The following DPP6 variants were observed in gnomAD, a reference collection of about 807,000 sequenced individuals.
DPP6 encodes dipeptidyl peptidase like 6, also known as A-type potassium channel modulatory protein DPP6.
In DPP6, 69 loss-of-function variants were observed where a neutral mutation model predicts 122.6. The observed-to-expected ratio is 0.56, with a 90% CI of 0.46 to 0.69. The LOEUF is 0.69. Ranked by LOEUF, DPP6 falls within the 30% of genes least tolerant of loss-of-function variation. The probability of loss-of-function intolerance (pLI) is 0.00; values close to 1 mark genes in which losing one functional copy is unlikely to be tolerated. For missense variants in DPP6, 928 were observed against 1,116.9 expected (o/e 0.83, Z 2.41); for synonymous variants, 418 against 433.1 (o/e 0.97, Z 0.43).
intron 1 of DPP6, among the ~76,000 whole-genome samples, chr7:154,165,527 T>A (rs1440839926): frequency 6.6e-6 from 1 of 151,364 alleles, no homozygotes; most frequent in Non-Finnish European, 1.5e-5. Flanking sequence ...TACCTAGTAA[T>A]GGGATGGCTG....
At chr7:154,654,399 C>T (rs1320396670) in intron 6 of DPP6, among the ~76,000 whole-genome samples, 1 of 31,734 alleles carries the variant, frequency 3.2e-5, no homozygotes, top group African/African-American at 5.3e-5. Context: ...ACATCTATAT[C>T]CAAATCTTTC....
intron 1 of DPP6, among the ~76,000 whole-genome samples, chr7:154,059,826 C>G (rs565804168): frequency 4.0e-5 from 6 of 151,506 alleles, no homozygotes; most frequent in Non-Finnish European, 7.4e-5. Context: ...GCCTACGTCT[C>G]TAAACAACTA....
At chr7:154,553,492 T>G (rs1037535435) in intron 4 of DPP6, among the ~76,000 whole-genome samples, 72 of 152,286 alleles carry the variant, frequency 4.7e-4, no homozygotes, top group African/African-American at 1.5e-3. Flanking sequence ...GACTAAAGAA[T>G]CCTAAACACT....
chr7:154,488,045 G>C (rs1417669954), intron 3 of DPP6, among the ~76,000 whole-genome samples: 1 of 150,408 alleles, frequency 6.6e-6, no homozygotes. Context: ...GTGGGATAAA[G>C]TCTCAATAAA....
chr7:154,624,220 T>C lies in DPP6; in HGVS notation c.628-13601T>C, dbSNP rs200449584. ...GCGGGTGCCTATAAATCCAGCTACTTGGGAGGCTGAGGCAGAGAATTGCTT... is the reference window on the plus strand; with the variant it reads ...GCGGGTGCCTATAAATCCAGCTACTCGGGAGGCTGAGGCAGAGAATTGCTT... On this transcript the variant is annotated intron_variant, in intron 5 of 25. Transcript: ENST00000377770. The surrounding 1 kb of genome is among the most constrained non-coding windows in gnomAD (Gnocchi z 4.7). 6.6e-6 allele frequency among the ~76,000 whole-genome samples: 1 copy of C among 151,520 alleles called. No homozygotes were observed.
intron 16 of DPP6, among the ~76,000 whole-genome samples, chr7:154,839,483 G>A (rs977338693): frequency 1.3e-5 from 2 of 152,236 alleles, no homozygotes; most frequent in African/African-American, 4.8e-5. Context: ...TTATTCCTCT[G>A]TGAAATGGGG....
rs1429984165 is a variant in DPP6 at position 154,313,733 on chromosome 7, A to G, written c.244-132481A>G. On this transcript the variant is annotated intron_variant, in intron 1 of 25. Coordinates refer to ENST00000377770, the MANE Select transcript of DPP6 (RefSeq NM_130797.4). The stretch of plus-strand genomic sequence containing the variant: ...TATATATACACACACACGCACGCAC[A>G]CACACACACACACACACACCCTTAC... Among the ~76,000 whole-genome samples, 6 of 92,472 alleles carry G rather than the reference A, an allele frequency of 6.5e-5. 2 individuals carry two copies. Among genetic ancestry groups the G allele is most frequent in the Non-Finnish European group, 1.3e-4 (6 of 44,514 alleles). The allele number at this position is 92,472 out of a possible 152,430, so 60.7% of individuals were successfully genotyped here.
intron 1 of DPP6, among the ~76,000 whole-genome samples, chr7:154,397,742 T>C (rs1402306374): frequency 6.6e-6 from 1 of 152,180 alleles, no homozygotes; most frequent in Non-Finnish European, 1.5e-5. Context: ...TCTAATATGT[T>C]TGTTCACTTT....
chr7:153,960,279 C>T (rs975469136), intron 1 of DPP6, among the ~76,000 whole-genome samples: 1 of 152,038 alleles, frequency 6.6e-6, no homozygotes, highest in Non-Finnish European at 1.5e-5. Flanking sequence ...TAACATTTTA[C>T]CCACAGTAGA....
chr7:154,425,613 T>TAAA (rs1817828737), intron 1 of DPP6, among the ~76,000 whole-genome samples: 27 of 130,292 alleles, frequency 2.1e-4, no homozygotes, highest in Non-Finnish European at 4.1e-4. Flanking sequence ...AATGTGTGTG[T>TAAA]GTGTGTGGGT....
the DPP6 span, among the ~76,000 whole-genome samples, chr7:153,794,815 A>G: frequency 2.6e-5 from 4 of 152,146 alleles, no homozygotes; most frequent in Non-Finnish European, 4.4e-5. Flanking sequence ...TGCTATTCTC[A>G]TAATAGTGAA....
intron 7 of DPP6, among the ~76,000 whole-genome samples, chr7:154,708,696 GATTA>G (rs1216009259): frequency 2.6e-5 from 4 of 152,230 alleles, no homozygotes; most frequent in Admixed American, 2.0e-4. Flanking sequence ...AATAATAAGG[GATTA>G]ATTAAATAAA....
intron 1 of DPP6, among the ~76,000 whole-genome samples, chr7:154,062,195 C>G (rs1802074311): frequency 9.7e-6 from 1 of 102,740 alleles, no homozygotes; most frequent in South Asian, 4.2e-4. Context: ...TCCTTAGGAC[C>G]CACCTGGAGG....
chr7:154,308,954 G>A (rs900827415), intron 1 of DPP6, among the ~76,000 whole-genome samples: 7 of 152,174 alleles, frequency 4.6e-5, no homozygotes, highest in East Asian at 3.9e-4. Context: ...GTGTGCATGC[G>A]TATGCACACA....
At chr7:153,978,366 C>T (rs1452387389) in intron 1 of DPP6, among the ~76,000 whole-genome samples, 1 of 151,378 alleles carries the variant, frequency 6.6e-6, no homozygotes, top group Admixed American at 6.6e-5. Context: ...TGAAAAGTGT[C>T]TGTTCATATC....
intron 5 of DPP6, among the ~76,000 whole-genome samples, chr7:154,594,926 A>G (rs1377664706): frequency 6.6e-6 from 1 of 152,128 alleles, no homozygotes; most frequent in Non-Finnish European, 1.5e-5. Flanking sequence ...TGGCTCCCAG[A>G]CCCAGGCCAG....
chr7:153,975,422 T>C (rs1272025327), intron 1 of DPP6, among the ~76,000 whole-genome samples: 7 of 148,150 alleles, frequency 4.7e-5, no homozygotes, highest in Middle Eastern at 3.5e-3. Flanking sequence ...AAAACAGTTA[T>C]GTTTCAGGAA....
intron 1 of DPP6, among the ~76,000 whole-genome samples, chr7:154,367,107 CAG>C (rs138885124): frequency 0.014 from 2,201 of 152,238 alleles, 46 homozygotes; most frequent in African/African-American, 0.049. Flanking sequence ...TGTTGAGAGA[CAG>C]GGACTGACAA....
chr7:154,777,531 T>A (rs1796657342), intron 10 of DPP6, among the ~76,000 whole-genome samples: 1 of 152,144 alleles, frequency 6.6e-6, no homozygotes, highest in Non-Finnish European at 1.5e-5. Context: ...GTTTCTATGC[T>A]TTCACACAGA....
Sources: gnomAD v4.1 joint callset for allele counts (sites outside exome capture counted in the v4.1 genomes callset) on GRCh38, gnomAD v4.1.1 for gene constraint, Gnocchi (gnomAD v3.1) non-coding constraint, MANE v1.5 for transcripts, NCBI Gene and HGNC (gene_info 2026-07-23, HGNC 2026-07-21) for gene names.